The following RRP12 variants were observed in gnomAD, a reference collection of about 807,000 sequenced individuals.
RRP12 encodes ribosomal RNA processing 12 homolog, also known as RRP12-like protein.
RRP12 carries 78 observed loss-of-function variants against 157.3 expected under a neutral mutation model. The observed-to-expected ratio is 0.50, with a 90% confidence interval of 0.41 to 0.60. The LOEUF is 0.60. Ranked by LOEUF, RRP12 falls within the 20% of genes least tolerant of loss-of-function variation. The pLI is 0.00. For synonymous variants in RRP12, 726 were observed against 670.9 expected (o/e 1.08, Z -1.27); for missense variants, 1,521 against 1,679.9 (o/e 0.91, Z 1.65).
chr10:97,370,825 C>T (rs1233728026), intron 21 of RRP12, 29 bp from the exon 22 acceptor site: 1 of 1,611,246 alleles, frequency 6.2e-7, no homozygotes, highest in Admixed American at 1.7e-5. Flanking sequence ...CAGTCAGGAC[C>T]CCTCAATGCT....
At chr10:97,366,950 G>A (rs934404742) in intron 26 of RRP12, 41 bp from the exon 27 acceptor site, 3 of 1,609,774 alleles carry the variant, frequency 1.9e-6, no homozygotes, top group Non-Finnish European at 2.5e-6. Context: ...GCACTGGCCA[G>A]ACAGCACGAC....
In RRP12 at chr10:97,385,164, A is replaced by C; in HGVS notation, c.1208+2T>G. The C allele has an allele frequency of 6.2e-7, 1 of 1,611,338 alleles. No homozygotes were observed. The highest frequency in any genetic ancestry group is 8.5e-7 in the Non-Finnish European group (1 of 1,177,628). On this transcript the variant is annotated splice_donor_variant, in intron 10 of 33. Transcript: ENST00000370992. LOFTEE classifies it high-confidence loss of function. ...CCCTAAGCACCCCTCCTTCATCCGT[A>C]CCTCACCAGGTTGATGTGGGCTTTC... is the stretch of plus-strand genomic sequence containing the variant.
chr10:97,360,763 C>T (rs1417392679), intron 30 of RRP12, 145 bp from the exon 31 acceptor site: 10 of 681,344 alleles, frequency 1.5e-5, no homozygotes, highest in Admixed American at 1.3e-4. Context: ...GATGGGGAAA[C>T]TAAGGCCCAG....
In RRP12 at chr10:97,360,529, A is replaced by G; in HGVS notation, c.3640+17T>C. On this transcript the variant is annotated intron_variant, in intron 31 of 33. Transcript: ENST00000370992. Reference sequence around the variant, plus strand: ...CAGGGATCCATGTGTCCCAGGAGAGAGGAGTGGAAGCCTCACCTTGGTACT... The same window carrying G: ...CAGGGATCCATGTGTCCCAGGAGAGGGGAGTGGAAGCCTCACCTTGGTACT... The G allele has an allele frequency of 2.5e-6, 4 of 1,594,274 alleles. No homozygotes were observed. Among genetic ancestry groups the G allele is most frequent in the South Asian group, 1.1e-5 (1 of 90,700 alleles).
chr10:97,363,736 T>A (rs1178886297), intron 30 of RRP12, 118 bp downstream of exon 30: 1 of 916,310 alleles, frequency 1.1e-6, no homozygotes, highest in Non-Finnish European at 1.8e-6. Context: ...CCTGTGAGGA[T>A]GCACCGAGCA....
At position 97,372,168 on chromosome 10, in the gene RRP12, T is replaced by G. The variant is rs772258421; in HGVS notation, c.2250-2A>C. 1 of 1,612,502 alleles carries G rather than the reference T, an allele frequency of 6.2e-7. No homozygotes were observed. The highest frequency in any genetic ancestry group is 8.5e-7 in the Non-Finnish European group (1 of 1,179,142). On this transcript the variant is annotated splice_acceptor_variant, in intron 19 of 33. Coordinates refer to ENST00000370992, the MANE Select transcript of RRP12 (RefSeq NM_015179.4). LOFTEE classifies it high-confidence loss of function. The stretch of plus-strand genomic sequence containing the variant: ...ACGACCAGGTCCAGGACAGACAATC[T>G]GCTCGGGGCAGGAGGACAAGGAGAG...
chr10:97,357,171 A>G lies in RRP12; in HGVS notation c.3817T>C (p.Phe1273Leu), dbSNP rs1843731314. 1.2e-6 allele frequency: 2 copies of G among 1,612,084 alleles called. No homozygotes were observed. Among genetic ancestry groups the G allele is most frequent in the Non-Finnish European group, 1.7e-6 (2 of 1,178,656 alleles). ...RRKKMKLQGQ[F>L]KGLVKAARRG... ...CGGGCAGCCTTCACCAGGCCTTTGA[A>G]CTGTCCCTGCAGCTTCATCTTCTTC... Residue 1273 changes from phenylalanine (F) to leucine (L), a missense_variant, in exon 34 of 34, where the codon TTC becomes CTC. Coordinates refer to ENST00000370992, the MANE Select transcript of RRP12 (RefSeq NM_015179.4).
At chr10:97,380,664 G>T (rs937462431) in intron 13 of RRP12, 135 bp downstream of exon 13, 5 of 660,740 alleles carry the variant, frequency 7.6e-6, no homozygotes, top group African/African-American at 7.2e-5. Flanking sequence ...ATACTGCATG[G>T]GGCACCTGCT....
In RRP12 at chr10:97,358,752, G is replaced by A; in HGVS notation, c.3709-133C>T. 3.6e-6 allele frequency: 3 copies of A among 827,804 alleles called. No individual in the cohort carries two copies. In the South Asian group the frequency reaches 4.3e-5, roughly 12 times the overall value. 51.3% of individuals were successfully genotyped at this position (827,804 alleles called of 1,614,324 possible). ...GTGCCAAAGAGCTCCTGTATCCTTG[G>A]AAGGCCATTCAATAAGGTCCCCCAT... On this transcript the variant is annotated intron_variant, in intron 32 of 33. Coordinates refer to ENST00000370992, the MANE Select transcript of RRP12 (RefSeq NM_015179.4).
chr10:97,385,000 C>T (rs1368125110), intron 10 of RRP12, among the ~76,000 whole-genome samples, 166 bp downstream of exon 10: 1 of 145,292 alleles, frequency 6.9e-6, no homozygotes, highest in African/African-American at 2.5e-5. Context: ...CCCTGAGGAA[C>T]CCCCACCTTG....
rs373169839 is a variant in RRP12 at position 97,366,229 on chromosome 10, C to T, written c.3396G>A (p.Thr1132=). The change falls in exon 29 of 34, where the codon ACG becomes ACA. Residue 1132 remains threonine (T), a synonymous_variant. Transcript: ENST00000370992. The part of the protein sequence containing the change: ...DPKVAQRVLA[T]QPGPGRGRKK... Reference sequence around the variant, plus strand: ...TCCTGCCCCGGCCTGGCCCTGGCTGCGTGGCTGGGGTGTAGAGTTTGGCAT... The same window carrying T: ...TCCTGCCCCGGCCTGGCCCTGGCTGTGTGGCTGGGGTGTAGAGTTTGGCAT... The T allele has an allele frequency of 1.2e-5, 20 of 1,611,506 alleles. No homozygotes were observed. Among genetic ancestry groups the T allele is most frequent in the South Asian group, 9.9e-5 (9 of 91,066 alleles).
chr10:97,372,831 G>T, intron 18 of RRP12, 28 bp from the exon 19 acceptor site: 1 of 1,549,754 alleles, frequency 6.5e-7, no homozygotes, highest in Non-Finnish European at 8.7e-7. Context: ...ATGAGGAGAA[G>T]AGAGTCATTG....
At chr10:97,356,646 A>G (rs543968593), downstream of RRP12, 1 of 157,474 alleles carries the variant, frequency 6.4e-6, no homozygotes, top group East Asian at 1.9e-4. Flanking sequence ...CAACAACTGC[A>G]CACTGTTCTT....
chr10:97,371,717 G>C (rs1479388591), intron 20 of RRP12: 1 of 219,414 alleles, frequency 4.6e-6, no homozygotes, highest in Non-Finnish European at 9.3e-6. Flanking sequence ...TATCAGGGAG[G>C]CTTAAGGCAG....
intron 20 of RRP12, 77 bp downstream of exon 20, chr10:97,371,996 G>A: frequency 1.0e-6 from 1 of 984,090 alleles, no homozygotes; most frequent in Non-Finnish European, 1.6e-6. Flanking sequence ...ACAAAGACAT[G>A]AAGACAGGCC....
At chr10:97,373,971 A>C in intron 15 of RRP12, 77 bp from the exon 16 acceptor site, 3 of 1,214,990 alleles carry the variant, frequency 2.5e-6, no homozygotes, top group Non-Finnish European at 3.6e-6. Context: ...ACCAAACCAA[A>C]AGCCCAATGA....
intron 19 of RRP12, 114 bp downstream of exon 19, chr10:97,372,622 A>C (rs577774011): frequency 1.2e-6 from 1 of 862,842 alleles, no homozygotes; most frequent in African/African-American, 1.7e-5. Flanking sequence ...TGGAGAGTTA[A>C]TACTTCAAGG....
chr10:97,388,711 T>C, intron 6 of RRP12, 87 bp from the exon 7 acceptor site: 1 of 1,515,252 alleles, frequency 6.6e-7, no homozygotes. Context: ...ACCAATTAGC[T>C]TTGGCTGAAA....
intron 32 of RRP12, 27 bp downstream of exon 32, chr10:97,358,916 A>AC (rs1304058392): frequency 6.3e-7 from 1 of 1,592,502 alleles, no homozygotes; most frequent in South Asian, 1.1e-5. Flanking sequence ...GTGCCAGGAG[A>AC]CCCCATGCCC....
Sources: allele counts gnomAD v4.1 joint callset (sites outside exome capture counted in the v4.1 genomes callset), GRCh38; gene constraint gnomAD v4.1.1; transcripts MANE v1.5; gene names NCBI Gene and HGNC (gene_info 2026-07-23, HGNC 2026-07-21).